The following IFIH1 variants were observed in gnomAD, a reference collection of about 807,000 sequenced individuals.
IFIH1 encodes interferon-induced helicase C domain-containing protein 1.
Under a neutral mutation model 107.4 loss-of-function variants are expected in IFIH1, and 125 were observed. That is an observed-to-expected ratio of 1.16 (90% CI 1.01 to 1.35). The LOEUF (loss-of-function observed/expected upper bound fraction) is 1.35. Among genes scored for constraint, IFIH1 ranks in the 40% most tolerant of loss-of-function variants. The probability of loss-of-function intolerance (pLI) is 0.00; values close to 1 mark genes in which losing one functional copy is unlikely to be tolerated. For synonymous variants in IFIH1, 458 were observed against 413.2 expected (o/e 1.11, Z -1.31); for missense variants, 1,333 against 1,213.7 (o/e 1.10, Z -1.46).
In IFIH1 at chr2:162,282,367, T is replaced by C. The variant is rs1057423939; in HGVS notation, c.1305A>G (p.Ser435=). The change falls in exon 6 of 16, where the codon TCA becomes TCG. Residue 435 remains serine, a splice_region_variant and synonymous_variant. Coordinates refer to ENST00000649979, the MANE Select transcript of IFIH1 (RefSeq NM_022168.4). ...ENGEDAGVQL[S]DFSLIIIDEC... is the part of the protein sequence containing the mutation. ...AAAAAAATAAACACTTAAACTGACC[T>C]GACAATTGAACACCAGCATCTTCTC... 1 of 1,601,532 alleles carries C rather than the reference T, an allele frequency of 6.2e-7. No individual in the cohort carries two copies. Among genetic ancestry groups the C allele is most frequent in the Non-Finnish European group, 8.5e-7 (1 of 1,170,918 alleles).
intron 3 of IFIH1, among the ~76,000 whole-genome samples, chr2:162,303,953 T>C (rs528137568): frequency 2.6e-5 from 4 of 152,250 alleles, no homozygotes; most frequent in East Asian, 1.9e-4. Flanking sequence ...CAGTAACTCA[T>C]AGAGATGTCG....
At chr2:162,299,427 G>A (rs1444538527) in intron 3 of IFIH1, among the ~76,000 whole-genome samples, 3 of 152,156 alleles carry the variant, frequency 2.0e-5, no homozygotes, top group Non-Finnish European at 4.4e-5. Flanking sequence ...CACTAAGGGT[G>A]CCCAGGTAAA....
intron 2 of IFIH1, among the ~76,000 whole-genome samples, chr2:162,308,708 A>G (rs1384935585): frequency 6.6e-6 from 1 of 152,172 alleles, no homozygotes; most frequent in Non-Finnish European, 1.5e-5. Context: ...ATCTCCTACT[A>G]TCACTGTCTC....
At chr2:162,272,704 A>G (rs74504895) in intron 12 of IFIH1, among the ~76,000 whole-genome samples, 3 of 152,156 alleles carry the variant, frequency 2.0e-5, no homozygotes, top group Admixed American at 6.5e-5. Context: ...ACCACGATCA[A>G]TGACTTGGAC....
Position 162,277,472 on chromosome 2 carries a change from A to C in IFIH1, c.1987T>G (p.Leu663Val). Reference protein sequence around the residue: ...YCDGDEDEDDLKKPLKLDETD... With the variant: ...YCDGDEDEDDVKKPLKLDETD... ...TCATCCAGTTTCAAAGGTTTCTTTAAATCATCCTCATCTTCATCACCATCA... is the reference window on the plus strand; with the variant it reads ...TCATCCAGTTTCAAAGGTTTCTTTACATCATCCTCATCTTCATCACCATCA... The change falls in exon 10 of 16, where the codon TTA becomes GTA. Residue 663 changes from leucine to valine, a missense_variant. Physicochemically the swap from Leu to Val is conservative, Grantham distance 32. Coordinates refer to ENST00000649979, the MANE Select transcript of IFIH1 (RefSeq NM_022168.4). 1 of 1,607,394 alleles carries C rather than the reference A, an allele frequency of 6.2e-7. No homozygotes were observed.
rs1310719878 is a variant in IFIH1 at position 162,295,739 on chromosome 2, G to A, written c.770-2071C>T. ...TGAGAGATTTAAAATATGGCACCTC[G>A]CAATTCCCAGAGGTATGTCTTGTTA... On this transcript the variant is annotated intron_variant, in intron 3 of 15. Coordinates refer to ENST00000649979, the MANE Select transcript of IFIH1 (RefSeq NM_022168.4). Among the ~76,000 whole-genome samples the A allele has an allele frequency of 2.0e-5, 3 of 151,884 alleles. 1 individual carries two copies. The highest frequency in any genetic ancestry group is 4.1e-4 in the South Asian group (2 of 4,820).
chr2:162,284,082 G>A (rs1200388374), intron 5 of IFIH1, among the ~76,000 whole-genome samples: 1 of 151,594 alleles, frequency 6.6e-6, no homozygotes, highest in Non-Finnish European at 1.5e-5. Flanking sequence ...AAGAATTACT[G>A]AATCTAGGGA....
At chr2:162,283,064 G>A (rs1682838249) in intron 5 of IFIH1, among the ~76,000 whole-genome samples, 1 of 151,722 alleles carries the variant, frequency 6.6e-6, no homozygotes. Flanking sequence ...AGCAGTGCCA[G>A]GTTATAAAGG....
intron 1 of IFIH1, among the ~76,000 whole-genome samples, chr2:162,317,412 A>G (rs1683517559): frequency 6.6e-6 from 1 of 152,186 alleles, no homozygotes; most frequent in Admixed American, 6.5e-5. Flanking sequence ...ATTCAACACT[A>G]TCACAAGCTA....
chr2:162,294,469 G>A (rs565872115), intron 3 of IFIH1, among the ~76,000 whole-genome samples: 1 of 151,880 alleles, frequency 6.6e-6, no homozygotes, highest in African/African-American at 2.4e-5. Flanking sequence ...TCGTTAAACT[G>A]GTAAAAATAA....
intron 1 of IFIH1, among the ~76,000 whole-genome samples, chr2:162,312,650 A>C (rs1683401455): frequency 1.3e-5 from 2 of 152,218 alleles, no homozygotes; most frequent in African/African-American, 4.8e-5. Flanking sequence ...AACATTTTCT[A>C]AGCAGATTTT....
rs147738489 is a variant in IFIH1, at chr2:162,281,337, G to C, written c.1515C>G (p.His505Gln). 1.2e-6 allele frequency: 2 copies of C among 1,611,282 alleles called. No homozygotes were observed. The highest frequency in any genetic ancestry group is 1.7e-6 in the Non-Finnish European group (2 of 1,178,250). Residue 505 changes from histidine to glutamine, a missense_variant, in exon 7 of 16, where the codon CAC becomes CAG. His to Gln is a conservative substitution (Grantham distance 24, BLOSUM62 0). Transcript: ENST00000649979. ...TAAAATTATGACTTACTTTTAAAAT[G>C]TGTTCTTCAGCTTTGGCTTGCTTCG... ...GATKQAKAEE[H>Q]ILKLCANLDA...
intron 3 of IFIH1, among the ~76,000 whole-genome samples, chr2:162,303,408 G>A (rs1047355543): frequency 3.3e-5 from 5 of 152,082 alleles, no homozygotes; most frequent in Admixed American, 2.0e-4. Context: ...GAGCCACCAC[G>A]CCTGGCCTGA....
intron 3 of IFIH1, among the ~76,000 whole-genome samples, chr2:162,301,440 T>A (rs1219247550): frequency 1.3e-5 from 2 of 152,152 alleles, no homozygotes; most frequent in Non-Finnish European, 2.9e-5. Flanking sequence ...TGTAACACAA[T>A]GATTAAAGAA....
In IFIH1 at chr2:162,308,779, G is replaced by A. The variant is rs913164771; in HGVS notation, c.623-1924C>T. Reference sequence around the variant, plus strand: ...TTAGGAGGACAAAATTCCATCTGTAGCATTTTACCATTGGCTTCCCAAAAT... The same window carrying A: ...TTAGGAGGACAAAATTCCATCTGTAACATTTTACCATTGGCTTCCCAAAAT... On this transcript the variant is annotated intron_variant, in intron 2 of 15. Transcript: ENST00000649979. Among the ~76,000 whole-genome samples the A allele has an allele frequency of 2.6e-5, 4 of 152,164 alleles. No individual in the cohort carries two copies. The South Asian group carries it at 8.3e-4, about 32-fold the overall frequency.
At chr2:162,288,732 G>A (rs530578316) in intron 4 of IFIH1, among the ~76,000 whole-genome samples, 2 of 152,006 alleles carry the variant, frequency 1.3e-5, no homozygotes, top group African/African-American at 4.8e-5. Context: ...TCTTTGTGGA[G>A]CCACTATGCC....
chr2:162,289,015 G>T (rs553115323), intron 4 of IFIH1, among the ~76,000 whole-genome samples: 8 of 151,514 alleles, frequency 5.3e-5, no homozygotes, highest in African/African-American at 1.9e-4. Context: ...TTGTACAGAA[G>T]TGTTATTTAG....
chr2:162,270,473 A>T (rs1250129013), intron 13 of IFIH1, among the ~76,000 whole-genome samples: 1 of 152,172 alleles, frequency 6.6e-6, no homozygotes, highest in Non-Finnish European at 1.5e-5. Flanking sequence ...CAGGCTTTGA[A>T]CAGATTACTG....
chr2:162,304,159 G>A (rs1683240023), intron 3 of IFIH1, among the ~76,000 whole-genome samples: 1 of 152,110 alleles, frequency 6.6e-6, no homozygotes. Context: ...TATGAGAAAG[G>A]TGGAATCGCA....
Sources: gnomAD v4.1 joint callset for allele counts (sites outside exome capture counted in the v4.1 genomes callset) on GRCh38, gnomAD v4.1.1 for gene constraint, MANE v1.5 for transcripts, NCBI Gene and HGNC (gene_info 2026-07-23, HGNC 2026-07-21) for gene names.